The following PLEKHG5 variants were observed in gnomAD, a reference collection of about 807,000 sequenced individuals.
The protein encoded by PLEKHG5 is pleckstrin homology domain-containing family G member 5.
PLEKHG5 carries 52 observed loss-of-function variants against 103.8 expected under a neutral mutation model. The observed-to-expected ratio is 0.50, with a 90% CI of 0.40 to 0.63. The LOEUF (loss-of-function observed/expected upper bound fraction) is 0.63, where lower values mean the gene tolerates loss of function less well. Among genes scored for constraint, PLEKHG5 ranks in the 30% least tolerant of loss-of-function variants. PLEKHG5 has a pLI of 0.00. For missense variants in PLEKHG5, 1,205 were observed against 1,347.6 expected, an observed-to-expected ratio of 0.89 and a Z score of 1.66; for synonymous variants, 592 against 575.5, an observed-to-expected ratio of 1.03 and a Z score of -0.41.
At chr1:6,519,102 A>G (rs187574262) in intron 1 of PLEKHG5, among the ~76,000 whole-genome samples, 39 of 152,326 alleles carry the variant, frequency 2.6e-4, no homozygotes, top group Admixed American at 1.2e-3. Context: ...TCGGCCTCCC[A>G]AAGTGCTGGG....
upstream of PLEKHG5, among the ~76,000 whole-genome samples, chr1:6,494,155 A>G (rs1569970954): frequency 1.2e-5 from 1 of 84,350 alleles, no homozygotes; most frequent in Non-Finnish European, 2.1e-5. Flanking sequence ...TTTTAGACGG[A>G]GTCTTGCTCT....
rs1005665705 is a variant in PLEKHG5 at position 6,487,564 on chromosome 1, C to T, written c.-88+4073G>A. ...TCCCTACAGCTCGCCAAGCTCAGGGCCTTCTCCTCTGTATTTTCTGTCTGG... is the reference window on the plus strand; with the variant it reads ...TCCCTACAGCTCGCCAAGCTCAGGGTCTTCTCCTCTGTATTTTCTGTCTGG... On this transcript the variant is annotated intron_variant, in intron 1 of 20. Transcript: ENST00000377728. The surrounding 1 kb of genome is among the most constrained non-coding windows in gnomAD (Gnocchi z 4.1). 2.0e-5 allele frequency among the ~76,000 whole-genome samples: 3 copies of T among 151,994 alleles called. No homozygotes were observed. Among genetic ancestry groups the T allele is most frequent in the African/African-American group, 7.3e-5 (3 of 41,372 alleles).
At chr1:6,497,962 C>G (rs545003965), upstream of PLEKHG5, among the ~76,000 whole-genome samples, 347 of 152,238 alleles carry the variant, frequency 2.3e-3, 2 homozygotes, top group African/African-American at 8.0e-3. This position sits in a 1 kb window ranked among gnomAD's most constrained non-coding sequence, Gnocchi z 6.1. Context: ...AGCTGCAGAG[C>G]GTCCCCACCC....
rs185102177 is a variant in PLEKHG5 at position 6,479,136 on chromosome 1, G to A, written c.-87-1478C>T. On this transcript the variant is annotated intron_variant, in intron 1 of 20. Transcript: ENST00000377728. ...GACAGTTTTCCTACAAAACCCCATA[G>A]AATTGTCGCACTTGGGAAACTGAAC... 8.5e-4 allele frequency among the ~76,000 whole-genome samples: 129 copies of A among 152,198 alleles called. 2 individuals carry two copies. The highest frequency in any genetic ancestry group is 6.8e-3 in the Middle Eastern group (2 of 294).
chr1:6,508,657 C>T (rs1451495564), intron 1 of PLEKHG5, among the ~76,000 whole-genome samples: 4 of 152,246 alleles, frequency 2.6e-5, no homozygotes, highest in East Asian at 1.9e-4. Flanking sequence ...CTGACAAACA[C>T]GGGGGTTGCT....
chr1:6,491,858 C>G (rs1557763305), upstream of PLEKHG5, among the ~76,000 whole-genome samples: 1 of 152,238 alleles, frequency 6.6e-6, no homozygotes, highest in African/African-American at 2.4e-5. This position sits in a 1 kb window ranked among gnomAD's most constrained non-coding sequence, Gnocchi z 4.1. Context: ...TTGCATATGT[C>G]TAGTGATGGG....
exon 1 of PLEKHG5, chr1:6,519,767 G>T (rs1164493977): frequency 1.7e-6 from 1 of 587,702 alleles, no homozygotes; most frequent in African/African-American, 1.9e-5. Flanking sequence ...ATATTTGAAG[G>T]CACAGACTTC....
chr1:6,515,395 C>T (rs1013780483), intron 1 of PLEKHG5, among the ~76,000 whole-genome samples: 2 of 152,030 alleles, frequency 1.3e-5, no homozygotes, highest in African/African-American at 4.8e-5. Context: ...GGTGTGGTGG[C>T]GGGCGCCTGT....
At chr1:6,479,527 C>T (rs1644849987) in intron 1 of PLEKHG5, among the ~76,000 whole-genome samples, 1 of 152,072 alleles carries the variant, frequency 6.6e-6, no homozygotes, top group African/African-American at 2.4e-5. Context: ...ACCTCGTGAT[C>T]CGCCCACCTC....
At chr1:6,496,393 G>A (rs543824011), upstream of PLEKHG5, 117 of 922,682 alleles carry the variant, frequency 1.3e-4, 2 homozygotes, top group African/African-American at 1.6e-3. Context: ...AGCCGCGCCC[G>A]TGCCAGGGCT....
In PLEKHG5 at chr1:6,470,873, C is replaced by T. The variant is rs1435758711; in HGVS notation, c.1404G>A (p.Lys468=). ...GCTTCAGCCTCTGGCACTGTGGGTG[C>T]TTCTCCGCCCACTGCGGTGGGGGAG... ...LFRAYITWAE[K]HPQCQRLKLS... is the part of the protein sequence containing the mutation. Residue 468 remains lysine, a synonymous_variant, in exon 14 of 21, where the codon AAG becomes AAA. Coordinates refer to ENST00000377728, the MANE Select transcript of PLEKHG5 (RefSeq NM_020631.6). 6.4e-7 allele frequency: 1 copy of T among 1,565,162 alleles called. No homozygotes were observed. Among genetic ancestry groups the T allele is most frequent in the Non-Finnish European group, 8.7e-7 (1 of 1,155,738 alleles).
At chr1:6,481,690 C>G (rs550973017) in intron 1 of PLEKHG5, among the ~76,000 whole-genome samples, 1 of 151,604 alleles carries the variant, frequency 6.6e-6, no homozygotes, top group East Asian at 1.9e-4. Flanking sequence ...TGGTGAAACC[C>G]CGTCTCTACT....
chr1:6,472,471 G>T, intron 10 of PLEKHG5, 56 bp downstream of exon 10: 1 of 1,201,704 alleles, frequency 8.3e-7, no homozygotes, highest in Non-Finnish European at 1.2e-6. Context: ...TCAGCTGAGG[G>T]CTGTCAGAAA....
chr1:6,508,162 G>A (rs1286910256), intron 1 of PLEKHG5, among the ~76,000 whole-genome samples: 6 of 114,808 alleles, frequency 5.2e-5, no homozygotes, highest in Non-Finnish European at 7.3e-5. Context: ...ACAAGGGGAC[G>A]CCCCTGCTGC....
upstream of PLEKHG5, among the ~76,000 whole-genome samples, chr1:6,499,530 C>A (rs796124322): frequency 6.6e-6 from 1 of 152,140 alleles, no homozygotes; most frequent in Non-Finnish European, 1.5e-5. Context: ...TCCTGCATTG[C>A]GTAGGCGAGC....
chr1:6,488,783 TCCCCAGCCCAG>T (rs1569953723), intron 1 of PLEKHG5, among the ~76,000 whole-genome samples: 1 of 151,714 alleles, frequency 6.6e-6, no homozygotes, highest in East Asian at 1.9e-4. Flanking sequence ...AGGGAGCCCC[TCCCCAGCCCAG>T]CCCCAGCTCC....
intron 1 of PLEKHG5, among the ~76,000 whole-genome samples, chr1:6,510,767 G>A (rs1430336798): frequency 5.9e-5 from 9 of 152,124 alleles, no homozygotes; most frequent in Non-Finnish European, 1.0e-4. Flanking sequence ...GGCGTGGTGC[G>A]GGCAGCACAG....
chr1:6,508,303 A>C (rs967970481), intron 1 of PLEKHG5, among the ~76,000 whole-genome samples: 2 of 152,176 alleles, frequency 1.3e-5, no homozygotes, highest in Non-Finnish European at 2.9e-5. Flanking sequence ...CACACGGAGC[A>C]TCATCTTCTG....
chr1:6,495,419 G>A (rs1216791667), upstream of PLEKHG5, among the ~76,000 whole-genome samples: 2 of 152,206 alleles, frequency 1.3e-5, no homozygotes, highest in Non-Finnish European at 2.9e-5. Context: ...GGTGCGGGAG[G>A]GGAGCGGGGG....
Sources: allele counts gnomAD v4.1 joint callset (sites outside exome capture counted in the v4.1 genomes callset), GRCh38; gene constraint gnomAD v4.1.1; non-coding constraint Gnocchi (gnomAD v3.1); transcripts MANE v1.5; gene names NCBI Gene and HGNC (gene_info 2026-07-23, HGNC 2026-07-21).